Variants in HCN4 observed in about 807,000 individuals in gnomAD.
HCN4 encodes hyperpolarization activated cyclic nucleotide gated potassium channel 4, also known as potassium/sodium hyperpolarization-activated cyclic nucleotide-gated channel 4.
Under a neutral mutation model 76.9 loss-of-function variants are expected in HCN4, and 29 were observed. That is an observed-to-expected ratio of 0.38 (90% CI 0.28 to 0.51). The LOEUF (loss-of-function observed/expected upper bound fraction) is 0.51. Ranked by LOEUF, HCN4 falls within the 20% of genes least tolerant of loss-of-function variation. The pLI, the probability that HCN4 is intolerant of heterozygous loss-of-function variation, is 0.90. For synonymous variants in HCN4, 772 were observed against 762.5 expected (o/e 1.01, Z -0.21); for missense variants, 1,416 against 1,715.2 (o/e 0.83, Z 3.08).
At chr15:73,332,702 A>G (rs1050845333) in intron 2 of HCN4, among the ~76,000 whole-genome samples, 1 of 152,208 alleles carries the variant, frequency 6.6e-6, no homozygotes, top group African/African-American at 2.4e-5. Flanking sequence ...GTCTACAGAC[A>G]TGCCAGGGGC....
intron 2 of HCN4, among the ~76,000 whole-genome samples, chr15:73,332,524 A>G (rs774100928): frequency 7.9e-5 from 12 of 152,190 alleles, no homozygotes; most frequent in Non-Finnish European, 1.6e-4. Context: ...GCATCTATAC[A>G]GATGGGGGGT....
rs774417944 is a variant in HCN4, at chr15:73,323,546, C to T, written c.2547G>A (p.Val849=). Residue 849 remains valine (V), a synonymous_variant, in exon 8 of 8, where the codon GTG becomes GTA. Coordinates refer to ENST00000261917, the MANE Select transcript of HCN4 (RefSeq NM_005477.3). The part of the protein sequence containing the change: ...SASPASSPSQ[V]DTPSSSSFHI... ...GGAAGGAGGATGAAGACGGTGTGTC[C>T]ACCTGGGACGGGCTGCTGGCGGGCG... 2 of 1,600,942 alleles carry T rather than the reference C, an allele frequency of 1.2e-6. No individual in the cohort carries two copies. Among genetic ancestry groups the T allele is most frequent in the Admixed American group, 1.7e-5 (1 of 60,012 alleles).
rs147376260 is a variant in HCN4 at position 73,356,710 on chromosome 15, G to A, written c.785+10776C>T. Among the ~76,000 whole-genome samples, 19 of 152,122 alleles carry A rather than the reference G, an allele frequency of 1.2e-4. No individual in the cohort carries two copies. The East Asian group carries it at 1.5e-3, about 12-fold the overall frequency. ...CTGGGGACACAGAGCTGGAGGGAAC[G>A]GGCTGCCTTCTCTCCAGGAAAACAC... On this transcript the variant is annotated intron_variant, in intron 1 of 7. Transcript: ENST00000261917.
In HCN4 at chr15:73,367,327, A is replaced by T. The variant is rs1383144501; in HGVS notation, c.785+159T>A. The stretch of plus-strand genomic sequence containing the variant: ...GAAAGTTCCCCCAGCGCGGTGCAGG[A>T]GGGGGCCTGGGGGTGTCTCGGAGCC... On this transcript the variant is annotated intron_variant, in intron 1 of 7. Transcript: ENST00000261917. This position sits in a 1 kb window ranked among gnomAD's most constrained non-coding sequence, Gnocchi z 7.5. Among the ~76,000 whole-genome samples the T allele has an allele frequency of 6.6e-6, 1 of 152,052 alleles. No homozygotes were observed. The highest frequency in any genetic ancestry group is 2.1e-4 in the South Asian group (1 of 4,782).
intron 1 of HCN4, among the ~76,000 whole-genome samples, chr15:73,345,668 C>T (rs1181902734): frequency 6.6e-6 from 1 of 152,188 alleles, no homozygotes; most frequent in Non-Finnish European, 1.5e-5. Context: ...ATGCCACACG[C>T]AGGTATCCCC....
At chr15:73,341,826 C>T (rs745770868) in intron 2 of HCN4, among the ~76,000 whole-genome samples, 4 of 152,234 alleles carry the variant, frequency 2.6e-5, no homozygotes, top group Non-Finnish European at 5.9e-5. Flanking sequence ...CTGGTGCACA[C>T]ACTTCTCCTA....
chr15:73,348,599 T>C (rs1201164766), intron 1 of HCN4, among the ~76,000 whole-genome samples: 1 of 152,200 alleles, frequency 6.6e-6, no homozygotes, highest in Admixed American at 6.5e-5. Context: ...ATTAAAATAT[T>C]TTCCACCTTT....
chr15:73,367,503 G>A lies in HCN4; in HGVS notation c.768C>T (p.His256=), dbSNP rs777592497. 8 of 1,613,834 alleles carry A rather than the reference G, an allele frequency of 5.0e-6. No homozygotes were observed. Among genetic ancestry groups the A allele is most frequent in the Non-Finnish European group, 6.8e-6 (8 of 1,180,012 alleles). The part of the protein sequence containing the change: ...RVKSAGFWII[H]PYSDFRFYWD... ...CCCCTTACCTGAAGTCACTGTAGGG[G>A]TGGATAATCCAAAATCCGGCCGACT... The change falls in exon 1 of 8, where the codon CAC becomes CAT. Residue 256 remains histidine (H), a synonymous_variant. Transcript: ENST00000261917. The surrounding 1 kb of genome is among the most constrained non-coding windows in gnomAD (Gnocchi z 7.5).
Position 73,343,715 on chromosome 15 carries a change from T to C in HCN4, c.879A>G (p.Thr293=). The C allele has an allele frequency of 6.2e-7, 1 of 1,614,086 alleles. No individual in the cohort carries two copies. Among genetic ancestry groups the C allele is most frequent in the Admixed American group, 1.7e-5 (1 of 60,028 alleles). ...ACACCACATTGAAGACAATCCAGGG[T>C]GTGGTGTTCTCATCCTTGAAGAAGG... ...GITFFKDENT[T]PWIVFNVVSD... is the part of the protein sequence containing the mutation. The change falls in exon 2 of 8, where the codon ACA becomes ACG. Residue 293 remains threonine, a synonymous_variant. Transcript: ENST00000261917. The surrounding 1 kb of genome is among the most constrained non-coding windows in gnomAD (Gnocchi z 5.7).
intron 2 of HCN4, among the ~76,000 whole-genome samples, chr15:73,341,311 T>G (rs1057259036): frequency 6.6e-6 from 1 of 151,466 alleles, no homozygotes; most frequent in Admixed American, 6.6e-5. Flanking sequence ...TGGCTAATTT[T>G]TTGTATTTTT....
Position 73,343,602 on chromosome 15 carries a change from T to C in HCN4, c.992A>G (p.Gln331Arg). 1 of 1,614,134 alleles carries C rather than the reference T, an allele frequency of 6.2e-7. No individual in the cohort carries two copies. Reference protein sequence around the residue: ...EDNTEIILDPQRIKMKYLKSW... With the variant: ...EDNTEIILDPRRIKMKYLKSW... ...TTTCAGGTACTTCATTTTAATCCGC[T>C]GCGGGTCCAGGATGATCTCTGTGTT... is the stretch of plus-strand genomic sequence containing the variant. The change falls in exon 2 of 8, where the codon CAG becomes CGG. Residue 331 changes from glutamine to arginine, a missense_variant. Transcript: ENST00000261917. This position sits in a 1 kb window ranked among gnomAD's most constrained non-coding sequence, Gnocchi z 5.7.
chr15:73,336,205 C>T (rs540789994), intron 2 of HCN4, among the ~76,000 whole-genome samples: 3 of 152,262 alleles, frequency 2.0e-5, no homozygotes, highest in East Asian at 1.9e-4. Flanking sequence ...ACAAGCATGC[C>T]GTTCTCCTCC....
chr15:73,340,035 G>A (rs4776632), intron 2 of HCN4, among the ~76,000 whole-genome samples: 54,172 of 152,108 alleles, frequency 0.36, 11,115 homozygotes, highest in Middle Eastern at 0.46. Context: ...GAGATGGGGC[G>A]GCACGTCTAG....
rs187816246 is a variant in HCN4, at chr15:73,347,057, A to C, written c.786-3249T>G. On this transcript the variant is annotated intron_variant, in intron 1 of 7. Transcript: ENST00000261917. ...GTCGAAGCATCTCAAGTGATGCCTT[A>C]ATATCTCTGAGCATTTTTACTGGGG... 1.2e-4 allele frequency among the ~76,000 whole-genome samples: 18 copies of C among 152,300 alleles called. No homozygotes were observed. In the East Asian group the frequency reaches 3.5e-3, roughly 29 times the overall value.
Position 73,322,569 on chromosome 15 carries a change from G to A in HCN4, c.3524C>T (p.Ser1175Phe). 1 of 1,609,052 alleles carries A rather than the reference G, an allele frequency of 6.2e-7. No homozygotes were observed. Among genetic ancestry groups the A allele is most frequent in the South Asian group, 1.1e-5 (1 of 90,020 alleles). Residue 1175 changes from serine to phenylalanine, a missense_variant, in exon 8 of 8, where the codon TCT becomes TTT. Transcript: ENST00000261917. The stretch of plus-strand genomic sequence containing the variant: ...TCCAGCAGTCAGAGGGGGCCCCCCA[G>A]AAGAGGTGGCTCTTGCCCCAAACAA... ...LSLFGARATS[S>F]GGPPLTAGPQ... is the part of the protein sequence containing the mutation.
At position 73,323,393 on chromosome 15, in the gene HCN4, G is replaced by A. The variant is rs377656260; in HGVS notation, c.2700C>T (p.Ala900=). 2.4e-5 allele frequency: 39 copies of A among 1,592,774 alleles called. No individual in the cohort carries two copies. The highest frequency in any genetic ancestry group is 5.3e-5 in the Admixed American group (3 of 56,162). Reference sequence around the variant, plus strand: ...GGCCAAACCCGGCTATGGTGGTGGCGGCTACGCCAGCTGATGGTGTGGGAG... The same window carrying A: ...GGCCAAACCCGGCTATGGTGGTGGCAGCTACGCCAGCTGATGGTGTGGGAG... ...PSAPTPSAGV[A]ATTIAGFGHF... is the part of the protein sequence containing the mutation. The change falls in exon 8 of 8, where the codon GCC becomes GCT. Residue 900 remains alanine, a synonymous_variant. Transcript: ENST00000261917.
intron 1 of HCN4, among the ~76,000 whole-genome samples, chr15:73,356,542 T>C (rs890851509): frequency 4.2e-4 from 64 of 151,532 alleles, no homozygotes; most frequent in African/African-American, 1.4e-3. Flanking sequence ...GCAGGCAGCA[T>C]TGGTCATAGA....
Position 73,323,809 on chromosome 15 carries a change from C to T in HCN4, c.2284G>A (p.Ala762Thr), listed in dbSNP as rs1456839039. ...GTGGGGGTTGGGGTGGCAGAGGCAG[C>T]AGCCTGGACGCGGTGCGCGCAGTGG... is the stretch of plus-strand genomic sequence containing the variant. ...MAHCAHRVQA[A>T]ASATPTPTPV... The change falls in exon 8 of 8, where the codon GCT becomes ACT. Residue 762 changes from alanine (A) to threonine (T), a missense_variant. Ala to Thr is a moderately conservative substitution (Grantham distance 58). This residue lies in a region of HCN4 where 241 missense variants were observed against 379.4 expected (regional missense o/e 0.64). Transcript: ENST00000261917. 1 of 1,607,122 alleles carries T rather than the reference C, an allele frequency of 6.2e-7. No homozygotes were observed. The highest frequency in any genetic ancestry group is 8.5e-7 in the Non-Finnish European group (1 of 1,179,684).
chr15:73,332,096 T>C (rs766015311), intron 3 of HCN4, 35 bp downstream of exon 3: 5 of 1,608,554 alleles, frequency 3.1e-6, no homozygotes, highest in South Asian at 1.1e-5. Flanking sequence ...AGCCCGCCTA[T>C]GGCCCAGAGA....
Sources: allele counts gnomAD v4.1 joint callset (sites outside exome capture counted in the v4.1 genomes callset), GRCh38; gene constraint gnomAD v4.1.1; regional missense constraint gnomAD v4.1.1; non-coding constraint Gnocchi (gnomAD v3.1); transcripts MANE v1.5; gene names NCBI Gene and HGNC (gene_info 2026-07-23, HGNC 2026-07-21).